The following PVT1 variants were observed in gnomAD, a reference collection of about 807,000 sequenced individuals.
PVT1 encodes Pvt1 oncogene, also known as CXCR4/PVT1 fusion.
chr8:128,032,284 C>G (rs563281892), intron 4 of PVT1, among the ~76,000 whole-genome samples: 12 of 152,282 alleles, frequency 7.9e-5, no homozygotes, highest in African/African-American at 1.7e-4. Context: ...TGAGTGGGCC[C>G]AGGGCTGCTG....
intron 4 of PVT1, among the ~76,000 whole-genome samples, chr8:128,011,595 A>G (rs192571552): frequency 2.0e-4 from 30 of 152,316 alleles, no homozygotes; most frequent in East Asian, 7.7e-4. Context: ...TGAATTTTCT[A>G]TTATTTAAGC....
At chr8:127,844,006 G>T (rs1156255658) in intron 2 of PVT1, among the ~76,000 whole-genome samples, 2 of 151,030 alleles carry the variant, frequency 1.3e-5, no homozygotes, top group African/African-American at 4.9e-5. Flanking sequence ...TTTTTGAGAC[G>T]GAGTCTTGCT....
chr8:127,927,074 G>A (rs766047996), intron 3 of PVT1, among the ~76,000 whole-genome samples: 1 of 152,204 alleles, frequency 6.6e-6, no homozygotes, highest in Non-Finnish European at 1.5e-5. Context: ...CATGGAACTT[G>A]GTAGCAAACA....
At chr8:127,863,601 A>G (rs75082019) in intron 2 of PVT1, among the ~76,000 whole-genome samples, 3,385 of 152,316 alleles carry the variant, frequency 0.022, 128 homozygotes, top group African/African-American at 0.078. Context: ...TGTTGCACCA[A>G]TTGCAATTTC....
chr8:128,079,087 T>C (rs752436736), intron 5 of PVT1, among the ~76,000 whole-genome samples: 1 of 151,978 alleles, frequency 6.6e-6, no homozygotes, highest in Non-Finnish European at 1.5e-5. Flanking sequence ...ACAAGCATTG[T>C]CCACTTTATT....
At chr8:127,882,515 C>T (rs1815479746) in intron 2 of PVT1, among the ~76,000 whole-genome samples, 1 of 151,656 alleles carries the variant, frequency 6.6e-6, no homozygotes, top group Admixed American at 6.6e-5. Flanking sequence ...TGGAGTCTCG[C>T]TCCTGTTGCC....
intron 4 of PVT1, among the ~76,000 whole-genome samples, chr8:128,022,582 C>T (rs1817450457): frequency 6.6e-6 from 1 of 152,206 alleles, no homozygotes. Context: ...CACTCTTGGC[C>T]TTCCAAGTTC....
chr8:128,011,204 A>T (rs909175307), intron 4 of PVT1, among the ~76,000 whole-genome samples: 18 of 152,168 alleles, frequency 1.2e-4, no homozygotes, highest in Non-Finnish European at 4.4e-5. Context: ...TTTTGTAAGC[A>T]TGGTGGGTAC....
chr8:127,993,012 T>G (rs1265747627), intron 4 of PVT1, among the ~76,000 whole-genome samples: 1 of 152,264 alleles, frequency 6.6e-6, no homozygotes, highest in Non-Finnish European at 1.5e-5. Context: ...CACTCGGAAC[T>G]CTACGCTTGA....
intron 2 of PVT1, among the ~76,000 whole-genome samples, chr8:127,877,662 G>C (rs1045810687): frequency 2.0e-5 from 3 of 152,170 alleles, no homozygotes; most frequent in Non-Finnish European, 2.9e-5. Context: ...GAGATTTTAA[G>C]CTCTTTGCAG....
At chr8:127,949,281 C>A (rs1219685192) in intron 3 of PVT1, among the ~76,000 whole-genome samples, 4 of 152,100 alleles carry the variant, frequency 2.6e-5, no homozygotes, top group Non-Finnish European at 5.9e-5. Flanking sequence ...AGGGCCCACC[C>A]AGTAGTGCCT....
chr8:127,794,590 G>A (rs895246495), exon 1 of PVT1: 1 of 152,434 alleles, frequency 6.6e-6, no homozygotes, highest in Non-Finnish European at 1.5e-5. Context: ...GGGCGGGCTC[G>A]GGGCGGCCGG....
chr8:127,998,198 A>G (rs1817128997), intron 4 of PVT1: 1 of 152,180 alleles, frequency 6.6e-6, no homozygotes, highest in Non-Finnish European at 1.5e-5. Flanking sequence ...TAAACTCTTC[A>G]GAAGGAAGTC....
chr8:128,011,546 C>G (rs1054118993), intron 4 of PVT1, among the ~76,000 whole-genome samples: 1 of 152,168 alleles, frequency 6.6e-6, no homozygotes, highest in African/African-American at 2.4e-5. Context: ...ATACTAGCAC[C>G]TTGATCTTGC....
intron 3 of PVT1, among the ~76,000 whole-genome samples, chr8:127,971,064 G>T (rs1445912375): frequency 1.3e-5 from 2 of 152,224 alleles, no homozygotes; most frequent in African/African-American, 2.4e-5. Context: ...AGACCCTGTG[G>T]CCTGCAAAAA....
chr8:128,056,186 T>C (rs1813760246), intron 4 of PVT1, among the ~76,000 whole-genome samples: 1 of 152,234 alleles, frequency 6.6e-6, no homozygotes, highest in Non-Finnish European at 1.5e-5. Flanking sequence ...GTGAGTTTCT[T>C]ATTTCCTTCA....
intron 2 of PVT1, among the ~76,000 whole-genome samples, chr8:127,818,523 T>C (rs188865293): frequency 1.5e-3 from 229 of 152,348 alleles, no homozygotes; most frequent in Middle Eastern, 3.4e-3. Context: ...CGCCTGGGCT[T>C]TTTATAAATG....
intron 2 of PVT1, chr8:127,855,064 T>C: frequency 2.5e-6 from 1 of 398,004 alleles, no homozygotes; most frequent in Non-Finnish European, 4.4e-6. Flanking sequence ...CTGACTCAGT[T>C]TACTATTTTA....
chr8:127,808,555 G>A (rs1053742752), intron 2 of PVT1, among the ~76,000 whole-genome samples: 20 of 152,068 alleles, frequency 1.3e-4, no homozygotes, highest in Non-Finnish European at 2.6e-4. Flanking sequence ...AGTCTTTGGG[G>A]GTGGCTAAGC....
Sources: allele counts gnomAD v4.1 joint callset (sites outside exome capture counted in the v4.1 genomes callset), GRCh38; gene constraint gnomAD v4.1.1; transcripts MANE v1.5; gene names NCBI Gene and HGNC (gene_info 2026-07-23, HGNC 2026-07-21).